The following SLC39A11 variants were observed in gnomAD, a reference collection of about 807,000 sequenced individuals.
The protein encoded by SLC39A11 is zinc transporter ZIP11.
A neutral mutation model predicts 36.1 loss-of-function variants in SLC39A11; 33 were observed. The ratio of observed to expected loss-of-function variants is 0.91; its 90% CI spans 0.69 to 1.22. The LOEUF is 1.22. Among genes scored for constraint, SLC39A11 ranks in the 50% most tolerant of loss-of-function variants. The probability of loss-of-function intolerance (pLI) is 0.00; values close to 1 mark genes in which losing one functional copy is unlikely to be tolerated. For missense variants in SLC39A11, 432 were observed against 430.3 expected, an observed-to-expected ratio of 1.00 and a Z score of -0.03; for synonymous variants, 166 against 170.3, an observed-to-expected ratio of 0.97 and a Z score of 0.20.
chr17:73,089,069 A>G (rs2060838927), intron 1 of SLC39A11, among the ~76,000 whole-genome samples: 1 of 152,204 alleles, frequency 6.6e-6, no homozygotes, highest in Non-Finnish European at 1.5e-5. Flanking sequence ...GAGAAGCACA[A>G]AGAATGTGGT....
chr17:72,992,670 T>C (rs2089252695), intron 4 of SLC39A11, among the ~76,000 whole-genome samples: 1 of 152,240 alleles, frequency 6.6e-6, no homozygotes, highest in African/African-American at 2.4e-5. Context: ...CTTAATGTTA[T>C]AAATTGCTTT....
intron 5 of SLC39A11, among the ~76,000 whole-genome samples, chr17:72,902,719 A>T (rs1470848650): frequency 6.6e-6 from 1 of 152,326 alleles, no homozygotes; most frequent in East Asian, 1.9e-4. Flanking sequence ...AATAGGCTTA[A>T]CATGCAGCTG....
chr17:72,733,263 T>C (rs1035564929), intron 7 of SLC39A11, among the ~76,000 whole-genome samples: 1 of 152,192 alleles, frequency 6.6e-6, no homozygotes, highest in African/African-American at 2.4e-5. Context: ...GTAAAAACCA[T>C]GTTTACTAGT....
chr17:72,889,852 C>T (rs1259148917), intron 5 of SLC39A11, among the ~76,000 whole-genome samples: 4 of 152,124 alleles, frequency 2.6e-5, no homozygotes, highest in Non-Finnish European at 5.9e-5. Context: ...TAGGAAGCCA[C>T]GTGCTGTACT....
chr17:72,951,369 C>A (rs766069506), intron 4 of SLC39A11, among the ~76,000 whole-genome samples: 8 of 151,694 alleles, frequency 5.3e-5, no homozygotes, highest in Admixed American at 1.3e-4. Context: ...CCCTGTAATG[C>A]TGGAAACTCA....
At chr17:72,680,625 C>T (rs2144296612) in intron 7 of SLC39A11, among the ~76,000 whole-genome samples, 1 of 152,320 alleles carries the variant, frequency 6.6e-6, no homozygotes, top group East Asian at 1.9e-4. Flanking sequence ...CATTAAACCT[C>T]TTTCTTCTAT....
At chr17:72,654,853 T>A (rs932051421) in intron 7 of SLC39A11, among the ~76,000 whole-genome samples, 1 of 152,138 alleles carries the variant, frequency 6.6e-6, no homozygotes, top group African/African-American at 2.4e-5. Context: ...GGGCTCCCCA[T>A]CCAAAGTCCT....
intron 2 of SLC39A11, 56 bp downstream of exon 2, chr17:73,088,601 G>T: frequency 2.2e-6 from 3 of 1,385,964 alleles, no homozygotes; most frequent in Admixed American, 1.9e-5. Flanking sequence ...GTGGGACAGT[G>T]CCCCTTTACC....
intron 3 of SLC39A11, among the ~76,000 whole-genome samples, chr17:73,062,475 A>AAAAAAAAAAAAAAAAAAAAAAC (rs56021607): frequency 0.024 from 2,044 of 86,704 alleles, 433 homozygotes; most frequent in African/African-American, 0.039. Context: ...AAAAAAAAAA[A>AAAAAAAAAAAAAAAAAAAAAAC]AAACTTTAGG....
intron 6 of SLC39A11, among the ~76,000 whole-genome samples, chr17:72,836,321 C>G (rs908087481): frequency 5.3e-5 from 8 of 150,890 alleles, no homozygotes; most frequent in African/African-American, 2.0e-4. Flanking sequence ...TAAGCTGTAC[C>G]CATCATTGCT....
intron 7 of SLC39A11, among the ~76,000 whole-genome samples, chr17:72,659,134 G>A (rs1216966593): frequency 5.9e-5 from 9 of 152,184 alleles, no homozygotes; most frequent in African/African-American, 1.7e-4. Flanking sequence ...CTGGCCATGT[G>A]CAAGAGCTCA....
chr17:72,910,805 T>C (rs1157306122), intron 5 of SLC39A11, among the ~76,000 whole-genome samples: 3 of 150,706 alleles, frequency 2.0e-5, no homozygotes, highest in Non-Finnish European at 4.4e-5. Context: ...CAGGCACCTT[T>C]AATCCCAGCT....
At chr17:72,991,522 T>C (rs1409379322) in intron 4 of SLC39A11, among the ~76,000 whole-genome samples, 3 of 152,124 alleles carry the variant, frequency 2.0e-5, no homozygotes, top group Admixed American at 2.0e-4. Flanking sequence ...CACACCCGGC[T>C]AATTTTTGTA....
Position 72,849,751 on chromosome 17 carries a change from G to A in SLC39A11, c.484C>T (p.Leu162Phe). 1 of 1,606,180 alleles carries A rather than the reference G, an allele frequency of 6.2e-7. No individual in the cohort carries two copies. The highest frequency in any genetic ancestry group is 8.5e-7 in the Non-Finnish European group (1 of 1,177,646). Residue 162 changes from leucine (L) to phenylalanine (F), a missense_variant, in exon 6 of 10, where the codon CTT becomes TTT. Physicochemically the swap from Leu to Phe is conservative, Grantham distance 22. Transcript: ENST00000255559. ...YQRKKAAATG[L>F]PEGPAVPVPS... ...ACAGGGACAGCAGGACCCTCTGGAA[G>A]GCCAGTGGCTGCCGCCTTCTTTCTC...
At chr17:72,821,557 A>AT (rs1030121935) in intron 6 of SLC39A11, 2 of 146,898 alleles carry the variant, frequency 1.4e-5, no homozygotes, top group African/African-American at 5.0e-5. Context: ...ATTTGAACAG[A>AT]TTTTTTGTGG....
intron 3 of SLC39A11, among the ~76,000 whole-genome samples, chr17:73,058,861 C>CA: frequency 6.6e-6 from 1 of 152,098 alleles, no homozygotes; most frequent in South Asian, 2.1e-4. Context: ...ATTAATATAC[C>CA]AAAAATGTGA....
chr17:73,054,257 G>C (rs2059597890), intron 3 of SLC39A11, among the ~76,000 whole-genome samples: 1 of 151,994 alleles, frequency 6.6e-6, no homozygotes, highest in Non-Finnish European at 1.5e-5. Flanking sequence ...AGCTACTCAG[G>C]AGGCTGAGGC....
intron 6 of SLC39A11, chr17:72,838,103 G>A: frequency 1.9e-6 from 1 of 519,944 alleles, no homozygotes; most frequent in Admixed American, 4.4e-5. Context: ...GGCCAACACA[G>A]CAACACCCTT....
At chr17:72,867,462 T>C (rs369176889) in intron 5 of SLC39A11, among the ~76,000 whole-genome samples, 1 of 152,156 alleles carries the variant, frequency 6.6e-6, no homozygotes, top group South Asian at 2.1e-4. Flanking sequence ...ATCGCGCCAC[T>C]GTACTCCAGC....
Sources: allele counts gnomAD v4.1 joint callset (sites outside exome capture counted in the v4.1 genomes callset), GRCh38; gene constraint gnomAD v4.1.1; transcripts MANE v1.5; gene names NCBI Gene and HGNC (gene_info 2026-07-23, HGNC 2026-07-21).